ZNF565: variants seen among roughly 807,000 people sequenced by gnomAD.
ZNF565 encodes the protein zinc finger protein 565.
In ZNF565, 27 loss-of-function variants were observed where a neutral mutation model predicts 39.4. That is an observed-to-expected ratio of 0.69 (90% CI 0.51 to 0.95). The LOEUF is 0.95. Ranked by LOEUF, ZNF565 falls within the 40% of genes least tolerant of loss-of-function variation. The pLI, the probability that ZNF565 is intolerant of heterozygous loss-of-function variation, is 0.00. For synonymous variants in ZNF565, 185 were observed against 216.6 expected (o/e 0.85, Z 1.28); for missense variants, 524 against 621.1 (o/e 0.84, Z 1.66).
intron 1 of ZNF565, among the ~76,000 whole-genome samples, chr19:36,242,339 G>A (rs1461761078): frequency 6.6e-6 from 1 of 152,154 alleles, no homozygotes; most frequent in African/African-American, 2.4e-5. Context: ...AACACGGGAG[G>A]TGGAGGTTGC....
chr19:36,238,768 A>G (rs1224123341), intron 1 of ZNF565: 1 of 167,080 alleles, frequency 6.0e-6, no homozygotes, highest in Admixed American at 6.5e-5. Flanking sequence ...GGACAGCACA[A>G]TCCAAATCTG....
chr19:36,188,052 T>G (rs953534837), intron 4 of ZNF565, among the ~76,000 whole-genome samples: 4 of 151,804 alleles, frequency 2.6e-5, no homozygotes, highest in African/African-American at 9.7e-5. Context: ...ATGATAAAAA[T>G]TTATAAAGAA....
At chr19:36,219,809 A>G (rs1211400851) in intron 1 of ZNF565, among the ~76,000 whole-genome samples, 2 of 152,120 alleles carry the variant, frequency 1.3e-5, no homozygotes, top group South Asian at 2.1e-4. Context: ...GTAGTAGTCT[A>G]TACGTTAAGA....
At chr19:36,190,853 G>A (rs368381438) in intron 4 of ZNF565, among the ~76,000 whole-genome samples, 13 of 151,898 alleles carry the variant, frequency 8.6e-5, no homozygotes, top group African/African-American at 3.1e-4. Context: ...TTAGCTGGGC[G>A]TGGTGGCGCA....
In ZNF565 at chr19:36,182,761, C is replaced by A; in HGVS notation, c.1205G>T (p.Arg402Leu). Residue 402 changes from arginine to leucine, a missense_variant, in exon 5 of 5, where the codon CGT becomes CTT. By Grantham distance (102) the Arg-to-Leu change is moderately radical. Coordinates refer to ENST00000304116, the MANE Select transcript of ZNF565 (RefSeq NM_152477.5). ...ECKDCGKAFS[R>L]SSYLIQHQRI... The stretch of plus-strand genomic sequence containing the variant: ...TTGATGTTGAATGAGGTATGAGCTA[C>A]GACTAAATGCCTTCCCGCAGTCCTT... The A allele has an allele frequency of 6.2e-7, 1 of 1,613,904 alleles. No individual in the cohort carries two copies. The highest frequency in any genetic ancestry group is 8.5e-7 in the Non-Finnish European group (1 of 1,179,988).
intron 1 of ZNF565, among the ~76,000 whole-genome samples, chr19:36,226,209 C>G (rs7251745): frequency 0.26 from 39,425 of 152,112 alleles, 5,522 homozygotes; most frequent in African/African-American, 0.37. Context: ...TGCATGTGTT[C>G]AGAAACCTAC....
At position 36,223,508 on chromosome 19, in the gene ZNF565, G is replaced by A. The variant is rs144577512; in HGVS notation, c.56-21458C>T. On this transcript the variant is annotated intron_variant, in intron 1 of 4. Transcript: ENST00000355114. ...CTCCCAAGTAGCTGGGACTACAGGCGCATGCCACCACGCCTGGTTAATTTT... is the reference window on the plus strand; with the variant it reads ...CTCCCAAGTAGCTGGGACTACAGGCACATGCCACCACGCCTGGTTAATTTT... 1.4e-3 allele frequency among the ~76,000 whole-genome samples: 213 copies of A among 151,968 alleles called. 1 individual carries two copies. The highest frequency in any genetic ancestry group is 4.6e-3 in the African/African-American group (190 of 41,506).
At chr19:36,208,123 C>T (rs572771485) in intron 1 of ZNF565, among the ~76,000 whole-genome samples, 46 of 151,986 alleles carry the variant, frequency 3.0e-4, no homozygotes, top group African/African-American at 9.7e-4. Context: ...CAGAGCTGTC[C>T]GATTCCAGCT....
chr19:36,238,453 T>C (rs1405502716), intron 1 of ZNF565: 1 of 167,046 alleles, frequency 6.0e-6, no homozygotes, highest in Admixed American at 6.5e-5. Flanking sequence ...GCTTTTTATA[T>C]AAACATCCAC....
At chr19:36,230,194 T>A (rs937035946) in intron 1 of ZNF565, among the ~76,000 whole-genome samples, 1 of 152,206 alleles carries the variant, frequency 6.6e-6, no homozygotes, top group South Asian at 2.1e-4. Context: ...GTTTATAAAT[T>A]TAATTGAGAT....
In ZNF565 at chr19:36,194,289, T is replaced by A; in HGVS notation, c.176A>T (p.Glu59Val). 6.2e-7 allele frequency: 1 copy of A among 1,612,960 alleles called. No homozygotes were observed. Among genetic ancestry groups the A allele is most frequent in the South Asian group, 1.1e-5 (1 of 90,796 alleles). ...ISKPDVVSLL[E>V]QGKEPWMIAN... ...AATCATCCAGGGCTCTTTCCCTTGC[T>A]CCAATAAGGAGACGACATCAGGCTT... is the stretch of plus-strand genomic sequence containing the variant. Residue 59 changes from glutamate (E) to valine (V), a missense_variant, in exon 4 of 5, where the codon GAG becomes GTG. Glu to Val is a moderately radical substitution (Grantham distance 121). Transcript: ENST00000304116.
At chr19:36,241,899 G>GAT (rs977522723) in intron 1 of ZNF565, among the ~76,000 whole-genome samples, 1 of 151,350 alleles carries the variant, frequency 6.6e-6, no homozygotes, top group Non-Finnish European at 1.5e-5. Context: ...AAACATAAGA[G>GAT]ATAAACTCTT....
chr19:36,200,840 A>G (rs1975935878), intron 2 of ZNF565, among the ~76,000 whole-genome samples: 1 of 151,918 alleles, frequency 6.6e-6, no homozygotes, highest in South Asian at 2.1e-4. Context: ...GCCGGAGTGC[A>G]GTGGCGTGAT....
At position 36,183,213 on chromosome 19, in the gene ZNF565, A is replaced by G. The variant is rs1975149201; in HGVS notation, c.753T>C (p.Tyr251=). 6.2e-7 allele frequency: 1 copy of G among 1,613,994 alleles called. No individual in the cohort carries two copies. The highest frequency in any genetic ancestry group is 1.7e-5 in the Admixed American group (1 of 59,988). The part of the protein sequence containing the change: ...HQRLHTGVKP[Y]ECKECGKTFR... Reference sequence around the variant, plus strand: ...AGGTCTTCCCACATTCTTTACATTCATAAGGTTTGACACCAGTATGAAGTC... The same window carrying G: ...AGGTCTTCCCACATTCTTTACATTCGTAAGGTTTGACACCAGTATGAAGTC... Residue 251 remains tyrosine (Y), a synonymous_variant, in exon 5 of 5, where the codon TAT becomes TAC. Transcript: ENST00000304116.
At chr19:36,213,596 G>C (rs1165116547) in intron 1 of ZNF565, among the ~76,000 whole-genome samples, 1 of 152,060 alleles carries the variant, frequency 6.6e-6, no homozygotes, top group Non-Finnish European at 1.5e-5. Context: ...GTGTTGGCCA[G>C]GCTGGTCTAG....
Position 36,243,072 on chromosome 19 carries a change from C to T in ZNF565, c.55+2404G>A, listed in dbSNP as rs192715907. Among the ~76,000 whole-genome samples the T allele has an allele frequency of 4.1e-4, 63 of 152,160 alleles. 1 individual carries two copies. Among genetic ancestry groups the T allele is most frequent in the African/African-American group, 1.4e-3 (59 of 41,540 alleles). Reference sequence around the variant, plus strand: ...TTTTGAGGCAGAATTTCGCTCTTGTCCCCCAGGCTGGAGGATAATGGGGTG... The same window carrying T: ...TTTTGAGGCAGAATTTCGCTCTTGTTCCCCAGGCTGGAGGATAATGGGGTG... On this transcript the variant is annotated intron_variant, in intron 1 of 4. Coordinates refer to the ZNF565 transcript ENST00000355114.
chr19:36,186,373 G>C (rs1047736365), intron 4 of ZNF565, among the ~76,000 whole-genome samples: 7 of 152,076 alleles, frequency 4.6e-5, no homozygotes, highest in Non-Finnish European at 8.8e-5. Flanking sequence ...CCCATTTCTT[G>C]TACTCTGTAA....
intron 2 of ZNF565, 83 bp from the exon 3 acceptor site, chr19:36,195,239 CAG>C: frequency 6.5e-7 from 1 of 1,530,978 alleles, no homozygotes; most frequent in Non-Finnish European, 8.8e-7. Context: ...CACAAAAGTA[CAG>C]AGAATAGTTG....
At chr19:36,230,634 G>C (rs1977295544) in intron 1 of ZNF565, among the ~76,000 whole-genome samples, 1 of 152,162 alleles carries the variant, frequency 6.6e-6, no homozygotes, top group Non-Finnish European at 1.5e-5. Context: ...CCTAAGTCAG[G>C]AGAAGCTTGC....
Sources: allele counts gnomAD v4.1 joint callset (sites outside exome capture counted in the v4.1 genomes callset), GRCh38; gene constraint gnomAD v4.1.1; transcripts MANE v1.5; gene names NCBI Gene and HGNC (gene_info 2026-07-23, HGNC 2026-07-21).